Variants in FHIP1A observed in about 807,000 individuals in gnomAD.
FHIP1A encodes the protein FHF complex subunit HOOK interacting protein 1A.
FHIP1A carries 61 observed loss-of-function variants against 88.6 expected under a neutral mutation model. The ratio of observed to expected loss-of-function variants is 0.69; its 90% CI spans 0.56 to 0.85. The LOEUF is 0.85. FHIP1A is among the 40% of genes least tolerant of loss of function. FHIP1A has a pLI of 0.00. For synonymous variants in FHIP1A, 478 were observed against 496.0 expected, an observed-to-expected ratio of 0.96 and a Z score of 0.48; for missense variants, 1,154 against 1,273.5, an observed-to-expected ratio of 0.91 and a Z score of 1.43.
intron 1 of FHIP1A, among the ~76,000 whole-genome samples, chr4:151,410,846 C>A (rs553698567): frequency 5.3e-4 from 81 of 152,294 alleles, no homozygotes; most frequent in Non-Finnish European, 9.1e-4. Flanking sequence ...AATCCCTTTC[C>A]GCAGAGCTCA....
At chr4:151,575,997 T>C (rs527704467) in intron 4 of FHIP1A, among the ~76,000 whole-genome samples, 2 of 152,224 alleles carry the variant, frequency 1.3e-5, no homozygotes, top group Admixed American at 1.3e-4. Context: ...ATAAAGTCAT[T>C]GATAAATGTT....
intron 3 of FHIP1A, among the ~76,000 whole-genome samples, chr4:151,510,700 T>G (rs1199745216): frequency 6.6e-6 from 1 of 152,238 alleles, no homozygotes; most frequent in East Asian, 1.9e-4. Context: ...CTTAATGTTT[T>G]ATCTTCTCAC....
intron 2 of FHIP1A, among the ~76,000 whole-genome samples, chr4:151,481,573 A>G (rs999557870): frequency 2.0e-5 from 3 of 152,056 alleles, no homozygotes; most frequent in Non-Finnish European, 2.9e-5. Context: ...GGGCAAATCC[A>G]TAGAGTAAAG....
intron 13 of FHIP1A, among the ~76,000 whole-genome samples, chr4:151,661,892 C>T (rs894370471): frequency 6.6e-6 from 1 of 152,194 alleles, no homozygotes; most frequent in Non-Finnish European, 1.5e-5. Context: ...ACTTCCTTCC[C>T]TTCCATTATT....
At chr4:151,524,257 G>A (rs1560747397) in intron 3 of FHIP1A, among the ~76,000 whole-genome samples, 1 of 151,150 alleles carries the variant, frequency 6.6e-6, no homozygotes, top group Non-Finnish European at 1.5e-5. Context: ...AGCCAAGATT[G>A]TGCCACTGCT....
In FHIP1A at chr4:151,586,611, CA is replaced by C. The variant is rs1560784328; in HGVS notation, c.733-29del. ...TTGCAGGTTGAGAACTTTGGAAAAG[CA>C]TTTATTTTGTTTTTATTTCTGAACA... On this transcript the variant is annotated intron_variant, in intron 5 of 13. Transcript: ENST00000435205. The C allele has an allele frequency of 2.0e-6, 3 of 1,519,180 alleles. No homozygotes were observed. The East Asian group carries it at 7.4e-5, about 38-fold the overall frequency. 94.1% of individuals were successfully genotyped at this position (1,519,180 alleles called of 1,614,324 possible). A position where few individuals can be genotyped will look rare whatever the true frequency, so the allele number is the denominator to read the frequency against.
In FHIP1A at chr4:151,433,247, AT is replaced by A. The variant is rs1211668139; in HGVS notation, c.-355-21452del. On this transcript the variant is annotated intron_variant, in intron 1 of 13. Transcript: ENST00000435205. ...TGGGGAGAGAGGTGGCTGAGAGAGT[AT>A]TGAGGAGGCTACTGTGAAGGCCCGT... Among the ~76,000 whole-genome samples, 7 of 151,678 alleles carry A rather than the reference AT, an allele frequency of 4.6e-5. No homozygotes were observed. The East Asian group carries it at 1.4e-3, about 29-fold the overall frequency.
intron 3 of FHIP1A, among the ~76,000 whole-genome samples, chr4:151,496,695 G>A (rs1730473862): frequency 7.1e-6 from 1 of 141,084 alleles, no homozygotes; most frequent in Admixed American, 7.1e-5. Context: ...TGGGACCACA[G>A]GAGCATACCA....
chr4:151,518,633 A>C (rs2126690743), intron 3 of FHIP1A, among the ~76,000 whole-genome samples: 2 of 85,344 alleles, frequency 2.3e-5, no homozygotes, highest in African/African-American at 4.5e-5. Flanking sequence ...ATAACTATCC[A>C]TTTCCCTCCC....
At chr4:151,567,306 C>T (rs1016287802) in intron 4 of FHIP1A, among the ~76,000 whole-genome samples, 4 of 152,056 alleles carry the variant, frequency 2.6e-5, no homozygotes, top group East Asian at 1.9e-4. Context: ...TGGCCGGAAA[C>T]AGCACACTGG....
chr4:151,580,880 CAG>C (rs1216214821), intron 5 of FHIP1A, among the ~76,000 whole-genome samples: 6 of 152,148 alleles, frequency 3.9e-5, no homozygotes, highest in Non-Finnish European at 8.8e-5. Flanking sequence ...TTTATTGAGA[CAG>C]AGTCTCACTC....
intron 2 of FHIP1A, among the ~76,000 whole-genome samples, chr4:151,460,194 TA>T (rs1561505107): frequency 6.6e-6 from 1 of 152,202 alleles, no homozygotes; most frequent in African/African-American, 2.4e-5. Flanking sequence ...GTTCTACATT[TA>T]AATCAGCTTT....
chr4:151,459,403 C>T (rs769801071), intron 2 of FHIP1A, among the ~76,000 whole-genome samples: 3 of 152,030 alleles, frequency 2.0e-5, no homozygotes, highest in Non-Finnish European at 4.4e-5. Flanking sequence ...CGGGTGGGAC[C>T]AAAAGTCCAG....
Position 151,667,593 on chromosome 4 carries a change from A to G in FHIP1A, c.*4839A>G, listed in dbSNP as rs1363370566. On this transcript the variant is annotated 3_prime_UTR_variant, in exon 14 of 14. Coordinates refer to ENST00000435205, the MANE Select transcript of FHIP1A (RefSeq NM_001109977.3). Reference sequence around the variant, plus strand: ...AACAGGACTTTAGTGAAAGATTTTCAGAGGTTCTTTAGGGAAAAGAATGAC... The same window carrying G: ...AACAGGACTTTAGTGAAAGATTTTCGGAGGTTCTTTAGGGAAAAGAATGAC... Among the ~76,000 whole-genome samples, 3 of 152,202 alleles carry G rather than the reference A, an allele frequency of 2.0e-5. No individual in the cohort carries two copies. The highest frequency in any genetic ancestry group is 4.4e-5 in the Non-Finnish European group (3 of 68,034).
chr4:151,447,573 T>A (rs936781572), intron 1 of FHIP1A, among the ~76,000 whole-genome samples: 5 of 152,154 alleles, frequency 3.3e-5, no homozygotes, highest in African/African-American at 1.2e-4. Context: ...TGTTTATTTT[T>A]AAAAAATTGT....
At chr4:151,533,089 T>G (rs1731938300) in intron 3 of FHIP1A, 1 of 152,346 alleles carries the variant, frequency 6.6e-6, no homozygotes, top group African/African-American at 2.4e-5. Flanking sequence ...ATTGTAGCCC[T>G]TTAGCTGTGG....
chr4:151,479,115 T>C (rs1458798665), intron 2 of FHIP1A, among the ~76,000 whole-genome samples: 3 of 152,112 alleles, frequency 2.0e-5, no homozygotes, highest in Admixed American at 2.0e-4. Flanking sequence ...CCTAAAGCTT[T>C]AGAAGGTTTG....
chr4:151,445,333 A>G (rs1273054282), intron 1 of FHIP1A, among the ~76,000 whole-genome samples: 1 of 152,092 alleles, frequency 6.6e-6, no homozygotes, highest in African/African-American at 2.4e-5. Flanking sequence ...GTTCTTGTAC[A>G]TCAACCAGGA....
chr4:151,514,026 A>C (rs1335116928), intron 3 of FHIP1A, among the ~76,000 whole-genome samples: 1 of 151,616 alleles, frequency 6.6e-6, no homozygotes, highest in Non-Finnish European at 1.5e-5. Context: ...CACCACACAT[A>C]TTCCAAAATT....
Sources: gnomAD v4.1 joint callset for allele counts (sites outside exome capture counted in the v4.1 genomes callset) on GRCh38, gnomAD v4.1.1 for gene constraint, MANE v1.5 for transcripts, NCBI Gene and HGNC (gene_info 2026-07-23, HGNC 2026-07-21) for gene names.